Variants in ATP13A5 observed in about 807,000 individuals in gnomAD.
ATP13A5 encodes probable cation-transporting ATPase 13A5.
ATP13A5 carries 149 observed loss-of-function variants against 150.2 expected under a neutral mutation model. The ratio of observed to expected loss-of-function variants is 0.99; its 90% CI spans 0.87 to 1.14. The LOEUF is 1.14. ATP13A5 is among the 50% of genes most tolerant of loss of function. The pLI, the probability that ATP13A5 is intolerant of heterozygous loss-of-function variation, is 0.00. For missense variants in ATP13A5, 1,383 were observed against 1,449.3 expected (o/e 0.95, Z 0.74); for synonymous variants, 497 against 522.2 (o/e 0.95, Z 0.66).
chr3:193,322,253 T>G (rs1719308756), intron 15 of ATP13A5, among the ~76,000 whole-genome samples: 1 of 152,204 alleles, frequency 6.6e-6, no homozygotes. Context: ...CAGAGCCAAG[T>G]GTGTCTTGTT....
At chr3:193,326,408 G>A (rs946718752) in intron 13 of ATP13A5, among the ~76,000 whole-genome samples, 3 of 152,110 alleles carry the variant, frequency 2.0e-5, no homozygotes, top group South Asian at 4.2e-4. Context: ...AATTCTAGCC[G>A]CACGTCCCTC....
In ATP13A5 at chr3:193,351,087, T is replaced by G; in HGVS notation, c.721A>C (p.Ser241Arg). The change falls in exon 7 of 30, where the codon AGT becomes CGT. Residue 241 changes from serine to arginine, a missense_variant. Coordinates refer to ENST00000342358, the MANE Select transcript of ATP13A5 (RefSeq NM_198505.4). ...CTTACCTGTCGCAAATCATACACAC[T>G]TAAGACAATGGAGATAACAGTCAAA... ...IILTVISIVL[S>R]VYDLRQQSVK... 6.2e-7 allele frequency: 1 copy of G among 1,613,592 alleles called. No individual in the cohort carries two copies.
intron 8 of ATP13A5, among the ~76,000 whole-genome samples, chr3:193,344,703 C>A (rs1473659134): frequency 1.9e-4 from 29 of 152,030 alleles, no homozygotes; most frequent in Admixed American, 1.8e-3. Context: ...TTGAAGGAAC[C>A]CAGACATTGG....
Position 193,334,974 on chromosome 3 carries a change from T to C in ATP13A5, c.1069A>G (p.Lys357Glu). The change falls in exon 10 of 30, where the codon AAG (lysine) becomes GAG (glutamate). Residue 357 changes from lysine (K) to glutamate (E), a missense_variant. Transcript: ENST00000342358. ...CGTACAGGCCCCTGCCCAGAGGGCT[T>C]GACCTGGATAACTTCTGTTCCACAG... is the stretch of plus-strand genomic sequence containing the variant. Reference protein sequence around the residue: ...LFCGTEVIQVKPSGQGPVRAV... With the variant: ...LFCGTEVIQVEPSGQGPVRAV... 1 of 1,613,948 alleles carries C rather than the reference T, an allele frequency of 6.2e-7. No individual in the cohort carries two copies. The highest frequency in any genetic ancestry group is 1.3e-5 in the African/African-American group (1 of 75,064).
chr3:193,356,579 A>T (rs542695491), intron 5 of ATP13A5, among the ~76,000 whole-genome samples: 34 of 149,890 alleles, frequency 2.3e-4, no homozygotes, highest in African/African-American at 4.6e-4. Flanking sequence ...ACTCTAATTT[A>T]AAAAAAAAAT....
At chr3:193,363,158 G>T in intron 3 of ATP13A5, 78 bp downstream of exon 3, 3 of 1,475,758 alleles carry the variant, frequency 2.0e-6, no homozygotes, top group Admixed American at 2.1e-5. Flanking sequence ...TGTGATATTC[G>T]GAACTTTCAT....
chr3:193,291,761 C>T (rs368711760), intron 25 of ATP13A5, among the ~76,000 whole-genome samples: 15 of 152,078 alleles, frequency 9.9e-5, no homozygotes, highest in African/African-American at 3.6e-4. Context: ...TATTGTCACC[C>T]ATCGATGTGC....
At chr3:193,349,193 G>A (rs1712470057) in intron 7 of ATP13A5, among the ~76,000 whole-genome samples, 1 of 152,170 alleles carries the variant, frequency 6.6e-6, no homozygotes, top group African/African-American at 2.4e-5. Flanking sequence ...TACAGGTTGG[G>A]TTAGGTACCC....
intron 21 of ATP13A5, among the ~76,000 whole-genome samples, chr3:193,308,915 C>G (rs1313486250): frequency 6.6e-6 from 1 of 152,214 alleles, no homozygotes; most frequent in African/African-American, 2.4e-5. Flanking sequence ...CATTTAGTCA[C>G]TGGTTACTTA....
intron 9 of ATP13A5, among the ~76,000 whole-genome samples, chr3:193,338,357 T>C (rs1711976364): frequency 6.6e-6 from 1 of 152,192 alleles, no homozygotes; most frequent in South Asian, 2.1e-4. Flanking sequence ...CAGTATGATA[T>C]TGGCTGTGGG....
At chr3:193,324,514 T>A (rs1378575066) in intron 14 of ATP13A5, among the ~76,000 whole-genome samples, 1 of 152,146 alleles carries the variant, frequency 6.6e-6, no homozygotes, top group African/African-American at 2.4e-5. Context: ...GTTATGGGTG[T>A]CAGTAAGGTT....
At chr3:193,363,590 G>A (rs979299624) in intron 2 of ATP13A5, among the ~76,000 whole-genome samples, 1 of 152,106 alleles carries the variant, frequency 6.6e-6, no homozygotes, top group Non-Finnish European at 1.5e-5. Context: ...TTGTTTCAAT[G>A]AGCCCTCCAG....
chr3:193,315,276 CCT>C (rs869096173), intron 17 of ATP13A5, among the ~76,000 whole-genome samples, 180 bp from the exon 18 acceptor site: 1 of 103,190 alleles, frequency 9.7e-6, no homozygotes, highest in Non-Finnish European at 2.5e-5. Context: ...CCACCTCACC[CCT>C]CTCCTTCCTA....
At chr3:193,282,994 A>G (rs1412668107) in intron 27 of ATP13A5, among the ~76,000 whole-genome samples, 1 of 152,198 alleles carries the variant, frequency 6.6e-6, no homozygotes, top group African/African-American at 2.4e-5. Context: ...TTATAAAACT[A>G]TAAGTTTTAA....
chr3:193,355,248 AAC>A (rs1468745921), intron 5 of ATP13A5, among the ~76,000 whole-genome samples: 1 of 152,130 alleles, frequency 6.6e-6, no homozygotes, highest in Admixed American at 6.6e-5. Flanking sequence ...GTAACTTTTA[AAC>A]AGAGTTGACA....
chr3:193,279,596 A>C, intron 27 of ATP13A5, 142 bp from the exon 28 acceptor site: 1 of 640,768 alleles, frequency 1.6e-6, no homozygotes. Context: ...ATGTTTTGAA[A>C]TATGTTCTAA....
At chr3:193,350,609 C>T (rs1712527506) in intron 7 of ATP13A5, among the ~76,000 whole-genome samples, 1 of 152,008 alleles carries the variant, frequency 6.6e-6, no homozygotes, top group South Asian at 2.1e-4. Context: ...TAAAGGACTT[C>T]TAAGAGGGAG....
intron 25 of ATP13A5, among the ~76,000 whole-genome samples, chr3:193,293,427 A>G (rs183538661): frequency 5.8e-4 from 89 of 152,248 alleles, no homozygotes; most frequent in Middle Eastern, 3.4e-3. Flanking sequence ...CATTGCTGCT[A>G]TAGTGCAGGG....
intron 25 of ATP13A5, among the ~76,000 whole-genome samples, chr3:193,291,353 GAC>G (rs1717946951): frequency 6.6e-6 from 1 of 152,108 alleles, no homozygotes; most frequent in Non-Finnish European, 1.5e-5. Context: ...GTCCATGAAA[GAC>G]ACAGACAGAT....
Sources: allele counts gnomAD v4.1 joint callset (sites outside exome capture counted in the v4.1 genomes callset), GRCh38; gene constraint gnomAD v4.1.1; transcripts MANE v1.5; gene names NCBI Gene and HGNC (gene_info 2026-07-23, HGNC 2026-07-21).